The following GRIP1 variants were observed in gnomAD, a reference collection of about 807,000 sequenced individuals.
GRIP1 encodes the protein glutamate receptor interacting protein 1.
A neutral mutation model predicts 129.9 loss-of-function variants in GRIP1; 45 were observed. The observed-to-expected ratio is 0.35, with a 90% CI of 0.27 to 0.44. The LOEUF (loss-of-function observed/expected upper bound fraction) is 0.44. Ranked by LOEUF, GRIP1 falls within the 20% of genes least tolerant of loss-of-function variation. GRIP1 has a pLI of 1.00. For synonymous variants in GRIP1, 530 were observed against 520.8 expected, an observed-to-expected ratio of 1.02 and a Z score of -0.24; for missense variants, 1,196 against 1,396.8, an observed-to-expected ratio of 0.86 and a Z score of 2.29.
In GRIP1 at chr12:66,449,113, A is replaced by G. The variant is rs147000159; in HGVS notation, c.1355-3605T>C. 1.3e-3 allele frequency among the ~76,000 whole-genome samples: 202 copies of G among 152,248 alleles called. 1 individual carries two copies. The highest frequency in any genetic ancestry group is 2.7e-3 in the Non-Finnish European group (181 of 68,032). On this transcript the variant is annotated intron_variant, in intron 11 of 24. Coordinates refer to ENST00000359742, the MANE Select transcript of GRIP1 (RefSeq NM_001366722.1). ...CAGAATTAGGTACTTGCTTTTCTGC[A>G]TTTCCACATTTCTAATACATGGTCC...
At chr12:66,656,788 T>A (rs2033185014) in intron 1 of GRIP1, among the ~76,000 whole-genome samples, 1 of 152,164 alleles carries the variant, frequency 6.6e-6, no homozygotes, top group Non-Finnish European at 1.5e-5. Context: ...TTGAAGGTAT[T>A]TCAGTTTGCA....
In GRIP1 at chr12:66,463,099, G is replaced by T. The variant is rs1037088429; in HGVS notation, c.873-6C>A. The T allele has an allele frequency of 6.8e-6, 11 of 1,612,956 alleles. No homozygotes were observed. Among genetic ancestry groups the T allele is most frequent in the Non-Finnish European group, 9.3e-6 (11 of 1,179,038 alleles). On this transcript the variant is annotated splice_polypyrimidine_tract_variant and splice_region_variant and intron_variant, in intron 8 of 24. Coordinates refer to ENST00000359742, the MANE Select transcript of GRIP1 (RefSeq NM_001366722.1). ...CCACATGCAATGCGCCACATCTACG[G>T]AAAGGAGAAATACTCGGTAAGAGGC... is the stretch of plus-strand genomic sequence containing the variant.
intron 1 of GRIP1, among the ~76,000 whole-genome samples, chr12:66,633,273 TTA>T (rs1017466400): frequency 4.1e-5 from 6 of 144,744 alleles, no homozygotes; most frequent in Admixed American, 1.4e-4. Context: ...TAAAAATATA[TTA>T]TATATATATT....
intron 2 of GRIP1, among the ~76,000 whole-genome samples, chr12:66,547,156 C>T (rs1602868): frequency 0.32 from 48,243 of 151,902 alleles, 7,780 homozygotes; most frequent in East Asian, 0.42. Flanking sequence ...TAAGTACACA[C>T]GAAAAAATGC....
At chr12:66,733,622 C>T (rs1406003794) in intron 1 of GRIP1, among the ~76,000 whole-genome samples, 2 of 152,118 alleles carry the variant, frequency 1.3e-5, no homozygotes, top group Non-Finnish European at 2.9e-5. Context: ...CATCACTACA[C>T]GTGGGCCACC....
intron 1 of GRIP1, among the ~76,000 whole-genome samples, chr12:66,939,233 C>A (rs192156815): frequency 6.6e-6 from 1 of 152,200 alleles, no homozygotes; most frequent in Non-Finnish European, 1.5e-5. Context: ...TGCCTGTAAT[C>A]CTGGCACTTT....
intron 1 of GRIP1, among the ~76,000 whole-genome samples, chr12:67,004,890 T>C (rs2042604861): frequency 6.6e-6 from 1 of 151,950 alleles, no homozygotes; most frequent in African/African-American, 2.4e-5. Context: ...AATACTGAAA[T>C]GTATGCATAA....
chr12:66,436,343 C>A (rs1395597774), intron 13 of GRIP1, among the ~76,000 whole-genome samples: 4 of 152,004 alleles, frequency 2.6e-5, no homozygotes, highest in Non-Finnish European at 5.9e-5. Flanking sequence ...ATAATGATGG[C>A]AAACATTATT....
At chr12:66,655,367 TACCGAGATTTCC>T (rs1407756420) in intron 1 of GRIP1, among the ~76,000 whole-genome samples, 1 of 152,154 alleles carries the variant, frequency 6.6e-6, no homozygotes, top group African/African-American at 2.4e-5. Flanking sequence ...GAGAAAAGGG[TACCGAGATTTCC>T]CATATGCCTC....
chr12:66,580,800 T>A (rs1347979855), intron 2 of GRIP1, among the ~76,000 whole-genome samples: 6 of 151,180 alleles, frequency 4.0e-5, no homozygotes, highest in African/African-American at 1.2e-4. Flanking sequence ...CTCCCACACA[T>A]TAATAATGGG....
At chr12:66,662,702 C>T (rs181019000) in intron 1 of GRIP1, among the ~76,000 whole-genome samples, 29 of 152,250 alleles carry the variant, frequency 1.9e-4, no homozygotes, top group African/African-American at 6.3e-4. Context: ...TAACCTCTTC[C>T]TACCAGAATA....
chr12:67,053,888 A>T (rs138826040), intron 1 of GRIP1, among the ~76,000 whole-genome samples: 7 of 152,246 alleles, frequency 4.6e-5, no homozygotes, highest in African/African-American at 1.7e-4. Flanking sequence ...AAACATTTTT[A>T]AAAATCATGT....
At chr12:66,593,709 A>G (rs964575727) in intron 2 of GRIP1, among the ~76,000 whole-genome samples, 7 of 152,188 alleles carry the variant, frequency 4.6e-5, no homozygotes, top group Non-Finnish European at 1.0e-4. Flanking sequence ...AAATCCAGTC[A>G]TCAACTTTGG....
At chr12:66,755,440 CTTTTACA>C (rs1238048400) in intron 1 of GRIP1, among the ~76,000 whole-genome samples, 2 of 152,136 alleles carry the variant, frequency 1.3e-5, no homozygotes, top group Non-Finnish European at 2.9e-5. Context: ...ATATCAAAGC[CTTTTACA>C]TTGTTAAAAA....
chr12:66,695,973 T>C (rs928141442), intron 1 of GRIP1, among the ~76,000 whole-genome samples: 3 of 152,080 alleles, frequency 2.0e-5, no homozygotes, highest in African/African-American at 7.2e-5. Context: ...CAGGCAAATA[T>C]TCCAGGAGAA....
chr12:66,774,102 G>A (rs1365257220), intron 1 of GRIP1, among the ~76,000 whole-genome samples: 1 of 152,034 alleles, frequency 6.6e-6, no homozygotes, highest in African/African-American at 2.4e-5. Flanking sequence ...ATGAGATATT[G>A]ACCTGTAGTA....
intron 23 of GRIP1, among the ~76,000 whole-genome samples, chr12:66,362,137 T>G (rs2054807877): frequency 7.1e-6 from 1 of 140,220 alleles, no homozygotes; most frequent in Admixed American, 8.0e-5. Flanking sequence ...TGTTACCAAT[T>G]TAATCTTTTT....
At chr12:66,498,755 T>C (rs772657874) in intron 7 of GRIP1, among the ~76,000 whole-genome samples, 4 of 152,198 alleles carry the variant, frequency 2.6e-5, no homozygotes, top group Non-Finnish European at 5.9e-5. Context: ...ATTACCCTCT[T>C]TTCCTACGTC....
intron 1 of GRIP1, among the ~76,000 whole-genome samples, chr12:66,662,153 GT>G (rs997809531): frequency 3.3e-5 from 5 of 152,062 alleles, no homozygotes; most frequent in African/African-American, 4.8e-5. Flanking sequence ...AGTAACCCAG[GT>G]TGAGAAAGAC....
Sources: gnomAD v4.1 joint callset for allele counts (sites outside exome capture counted in the v4.1 genomes callset) on GRCh38, gnomAD v4.1.1 for gene constraint, MANE v1.5 for transcripts, NCBI Gene and HGNC (gene_info 2026-07-23, HGNC 2026-07-21) for gene names.